Variants in CSNK1D observed in about 807,000 individuals in gnomAD.
The protein encoded by CSNK1D is casein kinase 1 delta.
CSNK1D carries 16 observed loss-of-function variants against 46.6 expected under a neutral mutation model. The observed-to-expected ratio is 0.34, with a 90% CI of 0.23 to 0.52. CSNK1D has a LOEUF of 0.52. Among genes scored for constraint, CSNK1D ranks in the 20% least tolerant of loss-of-function variants. CSNK1D has a pLI of 0.95. For synonymous variants in CSNK1D, 276 were observed against 228.2 expected (o/e 1.21, Z -1.89); for missense variants, 398 against 578.4 (o/e 0.69, Z 3.20).
rs1460914411 is a variant in CSNK1D, at chr17:82,249,072, G to A, written c.1058-58C>T. 2.0e-6 allele frequency: 3 copies of A among 1,535,958 alleles called. No homozygotes were observed. The highest frequency in any genetic ancestry group is 2.5e-5 in the East Asian group (1 of 40,772). Reference sequence around the variant, plus strand: ...CCCCGTCTGCTGCCTCTCACTCGGGGCTTTCTATGAGAGGCTGTGGCCAGA... The same window carrying A: ...CCCCGTCTGCTGCCTCTCACTCGGGACTTTCTATGAGAGGCTGTGGCCAGA... On this transcript the variant is annotated intron_variant, in intron 7 of 8. Transcript: ENST00000314028. The surrounding 1 kb of genome is among the most constrained non-coding windows in gnomAD (Gnocchi z 6.7).
rs563741680 is a variant in CSNK1D at position 82,273,212 on chromosome 17, G to A, written c.76+94C>T. On this transcript the variant is annotated intron_variant, in intron 1 of 8. Transcript: ENST00000314028. The surrounding 1 kb of genome is among the most constrained non-coding windows in gnomAD (Gnocchi z 5.1). ...GTGCCGGGACTTGCGCGGAGACCCC[G>A]CGGGGGCCACCACTTCCTTCCGCGA... The A allele has an allele frequency of 6.2e-6, 8 of 1,282,682 alleles. No individual in the cohort carries two copies. The Admixed American group carries it at 8.1e-5, about 13-fold the overall frequency. The allele number at this position is 1,282,682 out of a possible 1,614,324, so 79.5% of individuals were successfully genotyped here.
Position 82,252,389 on chromosome 17 carries a change from A to AC in CSNK1D, c.736+44dup, listed in dbSNP as rs749097499. On this transcript the variant is annotated intron_variant, in intron 5 of 8. Transcript: ENST00000314028. This position sits in a 1 kb window ranked among gnomAD's most constrained non-coding sequence, Gnocchi z 4.6. Reference sequence around the variant, plus strand: ...TCTCGGCACACCCGACACATATGCAACCCCTGTGAGCAGCTCCGCTGAGAA... The same window carrying AC: ...TCTCGGCACACCCGACACATATGCAACCCCCTGTGAGCAGCTCCGCTGAGAA... 18 of 1,609,552 alleles carry AC rather than the reference A, an allele frequency of 1.1e-5. No homozygotes were observed. Among genetic ancestry groups the AC allele is most frequent in the Admixed American group, 1.7e-5 (1 of 59,998 alleles).
chr17:82,248,984 A>T lies in CSNK1D; in HGVS notation c.1088T>A (p.Met363Lys). Residue 363 changes from methionine to lysine, a missense_variant, in exon 8 of 9, where the codon ATG (methionine) becomes AAG (lysine). This residue lies in a region of CSNK1D where 181 missense variants were observed against 208.0 expected (regional missense o/e 0.87). Transcript: ENST00000314028. This position sits in a 1 kb window ranked among gnomAD's most constrained non-coding sequence, Gnocchi z 4.1. ...ANTSPRPVSG[M>K]ERERKVSMRL... ...CATACTCACTTTCCGCTCTCTCTCC[A>T]TGCCGGAGACGGGCCGGGGGGAGGT... is the stretch of plus-strand genomic sequence containing the variant. 3 of 1,575,586 alleles carry T rather than the reference A, an allele frequency of 1.9e-6. No homozygotes were observed. Among genetic ancestry groups the T allele is most frequent in the Non-Finnish European group, 2.6e-6 (3 of 1,159,440 alleles).
At chr17:82,240,570 A>G (rs1456949498), downstream of CSNK1D, among the ~76,000 whole-genome samples, 1 of 152,082 alleles carries the variant, frequency 6.6e-6, no homozygotes, top group Non-Finnish European at 1.5e-5. Context: ...GTTTCCAGGT[A>G]TCTCGGGCCC....
In CSNK1D at chr17:82,251,550, C is replaced by T; in HGVS notation, c.737-23G>A. The T allele has an allele frequency of 6.2e-7, 1 of 1,613,462 alleles. No homozygotes were observed. The highest frequency in any genetic ancestry group is 8.5e-7 in the Non-Finnish European group (1 of 1,179,742). On this transcript the variant is annotated intron_variant, in intron 5 of 8. Coordinates refer to ENST00000314028, the MANE Select transcript of CSNK1D (RefSeq NM_001893.6). The surrounding 1 kb of genome is among the most constrained non-coding windows in gnomAD (Gnocchi z 4.5). ...CGGCTACAAAACAAGAAACTCAAAG[C>T]TAACTCATGAAACCCAACTGCGACT...
chr17:82,250,201 C>A lies in CSNK1D; in HGVS notation c.886-599G>T. Reference sequence around the variant, plus strand: ...CAACCTATGAAAAAGCAGATTCTAACTGCCAATGCTGTGCGGCAGGGGCCT... The same window carrying A: ...CAACCTATGAAAAAGCAGATTCTAAATGCCAATGCTGTGCGGCAGGGGCCT... On this transcript the variant is annotated intron_variant, in intron 6 of 8. Coordinates refer to ENST00000314028, the MANE Select transcript of CSNK1D (RefSeq NM_001893.6). This position sits in a 1 kb window ranked among gnomAD's most constrained non-coding sequence, Gnocchi z 4.6. 7.8e-7 allele frequency: 1 copy of A among 1,289,884 alleles called. No homozygotes were observed. The highest frequency in any genetic ancestry group is 1.0e-6 in the Non-Finnish European group (1 of 988,886). 79.9% of individuals were successfully genotyped at this position (1,289,884 alleles called of 1,614,324 possible). A position where few individuals can be genotyped will look rare whatever the true frequency, so the allele number is the denominator to read the frequency against.
rs1045717862 is a variant in CSNK1D at position 82,250,499 on chromosome 17, C to G, written c.885+880G>C. 3 of 276,584 alleles carry G rather than the reference C, an allele frequency of 1.1e-5. No individual in the cohort carries two copies. Among genetic ancestry groups the G allele is most frequent in the Admixed American group, 4.7e-5 (1 of 21,348 alleles). The allele number at this position is 276,584 out of a possible 1,614,324, so 17.1% of individuals were successfully genotyped here. ...CCGGCAGAGGGACTGATCTGCCCTG[C>G]CGAGTGCACCCCTCCCGGCACCTGG... On this transcript the variant is annotated intron_variant, in intron 6 of 8. Coordinates refer to ENST00000314028, the MANE Select transcript of CSNK1D (RefSeq NM_001893.6). The surrounding 1 kb of genome is among the most constrained non-coding windows in gnomAD (Gnocchi z 4.6).
At chr17:82,239,485 G>C (rs777286404), downstream of CSNK1D, 92 of 168,654 alleles carry the variant, frequency 5.5e-4, no homozygotes, top group African/African-American at 2.1e-3. Context: ...TAGGACCAAC[G>C]GTTTCCTAGG....
chr17:82,263,541 C>G (rs982826760), intron 2 of CSNK1D, among the ~76,000 whole-genome samples: 2 of 152,202 alleles, frequency 1.3e-5, no homozygotes, highest in African/African-American at 2.4e-5. Context: ...AGAGAACGCA[C>G]CACTACAAAT....
chr17:82,247,817 C>T, intron 8 of CSNK1D: 5 of 985,432 alleles, frequency 5.1e-6, no homozygotes, highest in Non-Finnish European at 6.0e-6. Context: ...AAAATCCCTG[C>T]ATCTTTGGTC....
intron 2 of CSNK1D, among the ~76,000 whole-genome samples, chr17:82,260,723 TGACTGACGGTGTACC>T (rs1254094711): frequency 6.3e-5 from 9 of 142,660 alleles, no homozygotes; most frequent in East Asian, 1.9e-4. Flanking sequence ...GATGGTGTAC[TGACTGACGGTGTACC>T]GACTGATGTG....
chr17:82,264,797 C>CTT (rs528693963), intron 2 of CSNK1D, among the ~76,000 whole-genome samples: 1,429 of 133,334 alleles, frequency 0.011, 54 homozygotes, highest in African/African-American at 0.037. Flanking sequence ...CACACAAAAT[C>CTT]TTTTTTTTTT....
At position 82,250,182 on chromosome 17, in the gene CSNK1D, A is replaced by G; in HGVS notation, c.886-580T>C. On this transcript the variant is annotated intron_variant, in intron 6 of 8. Transcript: ENST00000314028. The surrounding 1 kb of genome is among the most constrained non-coding windows in gnomAD (Gnocchi z 4.6). ...AGATTTTAAGCCGAGACAGCAACCTATGAAAAAGCAGATTCTAACTGCCAA... is the reference window on the plus strand; with the variant it reads ...AGATTTTAAGCCGAGACAGCAACCTGTGAAAAAGCAGATTCTAACTGCCAA... 7.8e-7 allele frequency: 1 copy of G among 1,289,760 alleles called. No individual in the cohort carries two copies. The highest frequency in any genetic ancestry group is 5.5e-5 in the East Asian group (1 of 18,042). The allele number at this position is 1,289,760 out of a possible 1,614,324, so 79.9% of individuals were successfully genotyped here.
intron 8 of CSNK1D, chr17:82,247,484 C>T (rs554427097): frequency 8.1e-4 from 800 of 985,498 alleles, no homozygotes; most frequent in Middle Eastern, 1.6e-3. Flanking sequence ...TAGTCTTTGT[C>T]AGCCAAGCGC....
intron 2 of CSNK1D, among the ~76,000 whole-genome samples, chr17:82,257,416 C>T (rs1449313628): frequency 1.3e-5 from 2 of 152,018 alleles, no homozygotes; most frequent in Non-Finnish European, 1.5e-5. Context: ...CTGCCCTCAG[C>T]GTCAAAAAGA....
rs771267349 is a variant in CSNK1D, at chr17:82,244,637, C to T, written c.*144G>A. The stretch of plus-strand genomic sequence containing the variant: ...CTGTCCGTTTAGTATGTTTCCCCCA[C>T]GAGCGTCGCTGGGTGAGTGGCCTGG... On this transcript the variant is annotated 3_prime_UTR_variant, in exon 9 of 9. Transcript: ENST00000314028. The T allele has an allele frequency of 9.6e-5, 148 of 1,542,442 alleles. No individual in the cohort carries two copies. In the Middle Eastern group the frequency reaches 1.2e-3, roughly 12 times the overall value.
intron 2 of CSNK1D, among the ~76,000 whole-genome samples, chr17:82,256,369 T>C (rs1485613973): frequency 6.6e-6 from 1 of 151,892 alleles, no homozygotes; most frequent in African/African-American, 2.4e-5. Flanking sequence ...GGAAATTAGG[T>C]GGGTGTGGTG....
chr17:82,242,180 A>AG (rs1423287653), downstream of CSNK1D, among the ~76,000 whole-genome samples: 1 of 131,198 alleles, frequency 7.6e-6, no homozygotes, highest in Non-Finnish European at 1.6e-5. Context: ...CAGCCCCCGC[A>AG]GGCCTTGGAT....
At chr17:82,270,029 G>C (rs925550786) in intron 1 of CSNK1D, among the ~76,000 whole-genome samples, 1 of 152,264 alleles carries the variant, frequency 6.6e-6, no homozygotes, top group African/African-American at 2.4e-5. Context: ...ACAACAGGCT[G>C]CCAAGGTGTG....
Sources: allele counts gnomAD v4.1 joint callset (sites outside exome capture counted in the v4.1 genomes callset), GRCh38; gene constraint gnomAD v4.1.1; regional missense constraint gnomAD v4.1.1; non-coding constraint Gnocchi (gnomAD v3.1); transcripts MANE v1.5; gene names NCBI Gene and HGNC (gene_info 2026-07-23, HGNC 2026-07-21).